The following TUSC3 variants were observed in gnomAD, a reference collection of about 807,000 sequenced individuals.
TUSC3 encodes tumor suppressor candidate 3.
TUSC3 carries 45 observed loss-of-function variants against 44.8 expected under a neutral mutation model. That is an observed-to-expected ratio of 1.00 (90% CI 0.79 to 1.29). The LOEUF is 1.29. Ranked by LOEUF, TUSC3 falls within the 50% of genes most tolerant of loss-of-function variation. The pLI is 0.00. For missense variants in TUSC3, 519 were observed against 437.9 expected (o/e 1.19, Z -1.65); for synonymous variants, 212 against 152.9 (o/e 1.39, Z -2.85).
At chr8:15,639,359 G>C (rs1260581647) in intron 2 of TUSC3, among the ~76,000 whole-genome samples, 1 of 152,206 alleles carries the variant, frequency 6.6e-6, no homozygotes. Context: ...TGTGTGCTTA[G>C]TGGGATTTTA....
At chr8:15,795,624 G>T in the TUSC3 span, among the ~76,000 whole-genome samples, 2 of 152,156 alleles carry the variant, frequency 1.3e-5, no homozygotes, top group East Asian at 1.9e-4. Flanking sequence ...TAAAAAATGC[G>T]TGGCTACACA....
chr8:15,437,929 A>G (rs2129117905), intron 1 of TUSC3, among the ~76,000 whole-genome samples: 1 of 152,316 alleles, frequency 6.6e-6, no homozygotes, highest in African/African-American at 2.4e-5. Flanking sequence ...ACATTATCCC[A>G]AAGTGGTCGT....
At chr8:15,458,550 C>T (rs1236680935) in intron 1 of TUSC3, among the ~76,000 whole-genome samples, 1 of 152,130 alleles carries the variant, frequency 6.6e-6, no homozygotes, top group Non-Finnish European at 1.5e-5. Flanking sequence ...GTGCTTATTT[C>T]ATTATTATAA....
chr8:15,723,588 A>G (rs559363434), intron 6 of TUSC3, among the ~76,000 whole-genome samples: 1 of 152,256 alleles, frequency 6.6e-6, no homozygotes, highest in South Asian at 2.1e-4. Context: ...TCTATATCAC[A>G]TCTGCCATTT....
intron 6 of TUSC3, among the ~76,000 whole-genome samples, chr8:15,716,675 TTTG>T (rs1262810302): frequency 7.2e-5 from 11 of 152,154 alleles, no homozygotes; most frequent in Admixed American, 7.2e-4. Flanking sequence ...TCAATATTTA[TTTG>T]TTAAGAAACT....
intron 6 of TUSC3, among the ~76,000 whole-genome samples, chr8:15,685,731 C>A (rs1475024229): frequency 6.6e-6 from 1 of 152,044 alleles, no homozygotes; most frequent in East Asian, 1.9e-4. Flanking sequence ...TATAACAGAC[C>A]TATATGAGCT....
the TUSC3 span, among the ~76,000 whole-genome samples, chr8:15,837,633 C>T: frequency 2.0e-5 from 3 of 152,108 alleles, no homozygotes; most frequent in Non-Finnish European, 2.9e-5. Flanking sequence ...GCCGAACTCA[C>T]ATTTAATCTT....
At chr8:15,835,427 T>G in the TUSC3 span, among the ~76,000 whole-genome samples, 1 of 152,208 alleles carries the variant, frequency 6.6e-6, no homozygotes, top group Non-Finnish European at 1.5e-5. Context: ...TTTTCTCTTT[T>G]CTATTTCATT....
chr8:15,713,719 A>G (rs1026872599), intron 6 of TUSC3, among the ~76,000 whole-genome samples: 1 of 151,958 alleles, frequency 6.6e-6, no homozygotes, highest in African/African-American at 2.4e-5. Flanking sequence ...TTTTATAAAG[A>G]TGCCAATTAT....
At position 15,423,969 on chromosome 8, in the gene TUSC3, G is replaced by GTTTTTT. The variant is rs112397215; in HGVS notation, n.91+6697_91+6702dup. ...TACAGCATTCATACTGTTTTGCTTT[G>GTTTTTT]TTTTTTTTTTTTTTTTTTTTTTTTT... On this transcript the variant is annotated intron_variant and non_coding_transcript_variant, in intron 1 of 5. Coordinates refer to the TUSC3 transcript ENST00000503191. Among the ~76,000 whole-genome samples, 211 of 70,258 alleles carry GTTTTTT rather than the reference G, an allele frequency of 3.0e-3. 10 individuals carry two copies. Among genetic ancestry groups the GTTTTTT allele is most frequent in the Middle Eastern group, 8.5e-3 (1 of 118 alleles). 46.1% of individuals were successfully genotyped at this position (70,258 alleles called of 152,430 possible). A position where few individuals can be genotyped will look rare whatever the true frequency, so the allele number is the denominator to read the frequency against.
Position 15,549,194 on chromosome 8 carries a change from A to T in TUSC3, c.138+8626A>T, listed in dbSNP as rs563700252. The stretch of plus-strand genomic sequence containing the variant: ...CTTATTTATTTTATTTTATTTTTTG[A>T]GACGGAGTCTTGCTCTGTCGCCCAG... On this transcript the variant is annotated intron_variant, in intron 1 of 10. Coordinates refer to ENST00000503731, the MANE Select transcript of TUSC3 (RefSeq NM_006765.4). Among the ~76,000 whole-genome samples the T allele has an allele frequency of 7.8e-4, 118 of 151,888 alleles. 1 individual carries two copies. Among genetic ancestry groups the T allele is most frequent in the African/African-American group, 2.7e-3 (112 of 41,514 alleles).
At chr8:15,561,841 C>T (rs1802480362) in intron 1 of TUSC3, among the ~76,000 whole-genome samples, 1 of 152,142 alleles carries the variant, frequency 6.6e-6, no homozygotes, top group South Asian at 2.1e-4. Flanking sequence ...CCAAGTGAGG[C>T]AATGCCTCGC....
chr8:15,534,258 A>AT (rs1801491793), intron 2 of TUSC3, among the ~76,000 whole-genome samples: 1 of 152,210 alleles, frequency 6.6e-6, no homozygotes, highest in Admixed American at 6.5e-5. Context: ...AGTCCGTAGA[A>AT]TTTACTTTCA....
In TUSC3 at chr8:15,504,607, ATATATATATATATATTTTTT is replaced by A. The variant is rs1173230260; in HGVS notation, n.189+21126_189+21145del. On this transcript the variant is annotated intron_variant and non_coding_transcript_variant, in intron 2 of 5. Transcript: ENST00000503191. Reference sequence around the variant, plus strand: ...TATATATATATATATATATATATATATATATATATATATATTTTTTTTTTTTTTTTTTTTTAAGTGGGTTT... The same window carrying A: ...TATATATATATATATATATATATATATTTTTTTTTTTTTTTAAGTGGGTTT... 5.1e-3 allele frequency among the ~76,000 whole-genome samples: 128 copies of A among 25,118 alleles called. 3 individuals are homozygous for A. Among genetic ancestry groups the A allele is most frequent in the African/African-American group, 0.022 (122 of 5,432 alleles). The allele number at this position is 25,118 out of a possible 152,430, so 16.5% of individuals were successfully genotyped here.
At chr8:15,500,996 C>G (rs1160353092) in intron 2 of TUSC3, among the ~76,000 whole-genome samples, 2 of 152,140 alleles carry the variant, frequency 1.3e-5, no homozygotes, top group African/African-American at 4.8e-5. Flanking sequence ...TTCTGTATAG[C>G]TATAATACCA....
intron 3 of TUSC3, among the ~76,000 whole-genome samples, chr8:15,659,206 C>T (rs541807123): frequency 2.0e-5 from 3 of 151,828 alleles, no homozygotes; most frequent in South Asian, 4.2e-4. Context: ...CTTTTTTTTA[C>T]CCTAATTATA....
chr8:15,605,941 G>C (rs565747168), intron 1 of TUSC3, among the ~76,000 whole-genome samples: 2 of 152,124 alleles, frequency 1.3e-5, no homozygotes, highest in South Asian at 4.1e-4. Flanking sequence ...TTATGACACT[G>C]ATCATCTCCA....
At chr8:15,479,883 G>A (rs1306535976) in intron 1 of TUSC3, among the ~76,000 whole-genome samples, 1 of 152,096 alleles carries the variant, frequency 6.6e-6, no homozygotes, top group Non-Finnish European at 1.5e-5. Flanking sequence ...AGATGATATG[G>A]TCCTATATGT....
chr8:15,544,883 G>C (rs1210452432), intron 1 of TUSC3, among the ~76,000 whole-genome samples: 3 of 151,802 alleles, frequency 2.0e-5, no homozygotes. Context: ...ATTGGAAATA[G>C]CCAAAGCTGC....
Sources: allele counts gnomAD v4.1 joint callset (sites outside exome capture counted in the v4.1 genomes callset), GRCh38; gene constraint gnomAD v4.1.1; transcripts MANE v1.5; gene names NCBI Gene and HGNC (gene_info 2026-07-23, HGNC 2026-07-21).